Variants in PDE12 observed in about 807,000 individuals in gnomAD.
PDE12 encodes the protein phosphodiesterase 12.
PDE12 carries 26 observed loss-of-function variants against 45.4 expected under a neutral mutation model. That is an observed-to-expected ratio of 0.57 (90% CI 0.42 to 0.79). PDE12 has a LOEUF of 0.79. PDE12 is among the 30% of genes least tolerant of loss of function. The probability of loss-of-function intolerance (pLI) is 0.00; values close to 1 mark genes in which losing one functional copy is unlikely to be tolerated. For synonymous variants in PDE12, 283 were observed against 323.9 expected (o/e 0.87, Z 1.36); for missense variants, 668 against 790.0 (o/e 0.85, Z 1.85).
At chr3:57,653,940 A>ACTT in the PDE12 span, among the ~76,000 whole-genome samples, 1 of 105,852 alleles carries the variant, frequency 9.4e-6, no homozygotes, top group Non-Finnish European at 1.9e-5. Flanking sequence ...TTAGAAATTC[A>ACTT]CTTTTTTTTT....
chr3:57,584,586 A>G, the PDE12 span: 1 of 819,614 alleles, frequency 1.2e-6, no homozygotes, highest in Admixed American at 2.5e-5. Context: ...TAAATGAGTT[A>G]GAAATGAAAT....
chr3:57,610,844 C>G, the PDE12 span, among the ~76,000 whole-genome samples: 2 of 152,122 alleles, frequency 1.3e-5, no homozygotes, highest in South Asian at 4.2e-4. Flanking sequence ...CCATCCCCAT[C>G]AAGCTACCAA....
At chr3:57,634,455 G>T in the PDE12 span, 9 of 512,370 alleles carry the variant, frequency 1.8e-5, no homozygotes, top group Non-Finnish European at 2.4e-5. Flanking sequence ...AAAAAAAGGA[G>T]AGATCCTATT....
chr3:57,573,010 G>A, the PDE12 span, among the ~76,000 whole-genome samples: 1 of 152,000 alleles, frequency 6.6e-6, no homozygotes, highest in Non-Finnish European at 1.5e-5. Flanking sequence ...AGACCTTCCT[G>A]GCTAACGCAG....
At chr3:57,595,686 C>T in the PDE12 span, among the ~76,000 whole-genome samples, 3 of 152,252 alleles carry the variant, frequency 2.0e-5, no homozygotes, top group Admixed American at 6.5e-5. Flanking sequence ...CGGTGGCTCA[C>T]GCCTGTAATC....
At chr3:57,630,394 C>A in the PDE12 span, 1 of 1,539,526 alleles carries the variant, frequency 6.5e-7, no homozygotes. Flanking sequence ...AGTTGTTAAT[C>A]ATTACACAAA....
At chr3:57,627,072 A>G in the PDE12 span, 1 of 152,200 alleles carries the variant, frequency 6.6e-6, no homozygotes, top group Non-Finnish European at 1.5e-5. Context: ...GAGATTTATA[A>G]TTAAAATGTC....
the PDE12 span, among the ~76,000 whole-genome samples, chr3:57,606,787 G>T: frequency 6.6e-6 from 1 of 152,064 alleles, no homozygotes; most frequent in East Asian, 1.9e-4. Flanking sequence ...ATATAATAGC[G>T]GGGCAGTTCC....
chr3:57,557,445 G>C lies in PDE12; in HGVS notation c.1066G>C (p.Val356Leu), dbSNP rs774889309. ...CTGTTTGCAGGAGGTTGACCGCGCA[G>C]TGTTTTCTGACAGCTTGGTACCCGC... ...VICLQEVDRA[V>L]FSDSLVPALE... The change falls in exon 1 of 3, where the codon GTG becomes CTG. Residue 356 changes from valine to leucine, a missense_variant. Physicochemically the swap from Val to Leu is conservative, Grantham distance 32 (BLOSUM62 1). Coordinates refer to ENST00000311180, the MANE Select transcript of PDE12 (RefSeq NM_177966.7). The C allele has an allele frequency of 1.9e-6, 3 of 1,614,060 alleles. No homozygotes were observed. The African/African-American group carries it at 4.0e-5, about 22-fold the overall frequency.
chr3:57,595,660 A>C, the PDE12 span, among the ~76,000 whole-genome samples: 1 of 152,170 alleles, frequency 6.6e-6, no homozygotes, highest in Non-Finnish European at 1.5e-5. Context: ...TCTAAAATAA[A>C]ACCTCCGGCC....
At chr3:57,614,803 A>G in the PDE12 span, among the ~76,000 whole-genome samples, 4 of 150,884 alleles carry the variant, frequency 2.7e-5, no homozygotes, top group Non-Finnish European at 5.9e-5. Context: ...GACCAGCCTG[A>G]CCAAGATGAT....
rs1482804141 is a variant in PDE12 at position 57,557,483 on chromosome 3, C to T, written c.1104C>T (p.Phe368=). ...GCTTGGTACCCGCCCTAGAGGCCTTCGGGCTCGAGGGGGTGTTTCGAATCA... is the reference window on the plus strand; with the variant it reads ...GCTTGGTACCCGCCCTAGAGGCCTTTGGGCTCGAGGGGGTGTTTCGAATCA... ...SDSLVPALEA[F]GLEGVFRIKQ... is the part of the protein sequence containing the mutation. The change falls in exon 1 of 3, where the codon TTC becomes TTT. Residue 368 remains phenylalanine, a synonymous_variant. Transcript: ENST00000311180. 1 of 1,613,972 alleles carries T rather than the reference C, an allele frequency of 6.2e-7. No individual in the cohort carries two copies. The highest frequency in any genetic ancestry group is 8.5e-7 in the Non-Finnish European group (1 of 1,180,012).
the PDE12 span, among the ~76,000 whole-genome samples, chr3:57,612,461 CAAAAG>C: frequency 6.6e-6 from 1 of 152,026 alleles, no homozygotes; most frequent in South Asian, 2.1e-4. Flanking sequence ...AATAATCACT[CAAAAG>C]AGATAAAGTG....
At chr3:57,606,160 T>A in the PDE12 span, among the ~76,000 whole-genome samples, 2 of 152,018 alleles carry the variant, frequency 1.3e-5, no homozygotes, top group Non-Finnish European at 2.9e-5. Flanking sequence ...ACAAGAAACA[T>A]GGAGAAAATT....
At chr3:57,646,572 A>T in the PDE12 span, 6 of 1,266,992 alleles carry the variant, frequency 4.7e-6, no homozygotes, top group Non-Finnish European at 5.3e-6. Context: ...TGATACACAA[A>T]TTCATTTAGA....
the PDE12 span, among the ~76,000 whole-genome samples, chr3:57,602,237 A>G: frequency 4.6e-5 from 7 of 152,104 alleles, no homozygotes; most frequent in African/African-American, 1.7e-4. Context: ...GACTGATTCA[A>G]TTCTGTTGTA....
chr3:57,599,344 G>T, the PDE12 span, among the ~76,000 whole-genome samples: 1 of 152,226 alleles, frequency 6.6e-6, no homozygotes, highest in Non-Finnish European at 1.5e-5. Context: ...GCCCTAAGCA[G>T]TTCCCAGCTT....
chr3:57,559,077 C>T (rs1388096813), intron 1 of PDE12, among the ~76,000 whole-genome samples: 3 of 151,708 alleles, frequency 2.0e-5, no homozygotes, highest in East Asian at 2.0e-4. Context: ...AAAAATTAGC[C>T]GGGCGTGGTG....
the PDE12 span, among the ~76,000 whole-genome samples, chr3:57,601,871 A>G: frequency 6.6e-6 from 1 of 150,424 alleles, no homozygotes; most frequent in Admixed American, 6.6e-5. Flanking sequence ...CAGCTGCCCA[A>G]GTAGCTGGGA....
Sources: gnomAD v4.1 joint callset for allele counts (sites outside exome capture counted in the v4.1 genomes callset) on GRCh38, gnomAD v4.1.1 for gene constraint, MANE v1.5 for transcripts, NCBI Gene and HGNC (gene_info 2026-07-23, HGNC 2026-07-21) for gene names.